RAD51B: variants seen among roughly 807,000 people sequenced by gnomAD.
The protein encoded by RAD51B is RAD51 paralog B.
A neutral mutation model predicts 42.2 loss-of-function variants in RAD51B; 38 were observed. The observed-to-expected ratio is 0.90, with a 90% confidence interval of 0.70 to 1.18. The LOEUF (loss-of-function observed/expected upper bound fraction) is 1.18. RAD51B is among the 50% of genes most tolerant of loss of function. The probability of loss-of-function intolerance (pLI) is 0.00; values close to 1 mark genes in which losing one functional copy is unlikely to be tolerated. For synonymous variants in RAD51B, 154 were observed against 145.2 expected, an observed-to-expected ratio of 1.06 and a Z score of -0.43; for missense variants, 373 against 400.7, an observed-to-expected ratio of 0.93 and a Z score of 0.59.
intron 7 of RAD51B, among the ~76,000 whole-genome samples, chr14:67,949,304 A>G (rs934410967): frequency 6.6e-6 from 1 of 152,164 alleles, no homozygotes. Context: ...TTATCAACTA[A>G]ATTTATGAAA....
At chr14:68,048,291 T>C (rs530880403) in intron 7 of RAD51B, among the ~76,000 whole-genome samples, 5 of 152,340 alleles carry the variant, frequency 3.3e-5, no homozygotes, top group Non-Finnish European at 7.3e-5. Flanking sequence ...TGGGGTTGTT[T>C]GTTTTTTCCT....
intron 3 of RAD51B, among the ~76,000 whole-genome samples, chr14:67,833,685 G>T (rs555359780): frequency 6.6e-6 from 1 of 152,280 alleles, no homozygotes; most frequent in African/African-American, 2.4e-5. Flanking sequence ...TAAAACTTAT[G>T]AATTATTTCT....
chr14:68,181,240 A>T (rs535129169), intron 7 of RAD51B, among the ~76,000 whole-genome samples: 1 of 152,330 alleles, frequency 6.6e-6, no homozygotes, highest in Non-Finnish European at 1.5e-5. Context: ...CTGGAAGGTA[A>T]TCCCCAGATT....
At chr14:68,333,391 C>G (rs961467862) in intron 8 of RAD51B, among the ~76,000 whole-genome samples, 1 of 152,118 alleles carries the variant, frequency 6.6e-6, no homozygotes, top group African/African-American at 2.4e-5. Context: ...AAAACAAAAA[C>G]CCTAAATGTT....
intron 10 of RAD51B, among the ~76,000 whole-genome samples, chr14:68,498,341 A>T (rs564163214): frequency 2.0e-5 from 3 of 152,340 alleles, no homozygotes; most frequent in South Asian, 2.1e-4. Flanking sequence ...TTCACCCATC[A>T]TCTTGCTGTG....
chr14:68,612,443 C>T (rs1182960755), downstream of RAD51B, among the ~76,000 whole-genome samples: 1 of 152,222 alleles, frequency 6.6e-6, no homozygotes, highest in African/African-American at 2.4e-5. Context: ...CCGGCTACCA[C>T]ATGAAACACC....
At chr14:68,457,773 A>AT (rs771439291) in intron 9 of RAD51B, among the ~76,000 whole-genome samples, 21,934 of 106,716 alleles carry the variant, frequency 0.21, 2,328 homozygotes, top group Non-Finnish European at 0.27. Flanking sequence ...TAATTTTTGT[A>AT]TTTTTTTTTT....
At chr14:68,014,411 C>T (rs1253193486) in intron 7 of RAD51B, among the ~76,000 whole-genome samples, 1 of 152,046 alleles carries the variant, frequency 6.6e-6, no homozygotes, top group Non-Finnish European at 1.5e-5. Context: ...GACTTTTACC[C>T]TGGTACATTT....
intron 10 of RAD51B, 70 bp from the exon 11 acceptor site, chr14:68,477,578 G>T (rs2140253977): frequency 6.6e-7 from 1 of 1,519,000 alleles, no homozygotes; most frequent in Non-Finnish European, 8.9e-7. Context: ...TAGGTTGCTG[G>T]TGGGAAGTTA....
At chr14:68,602,301 C>A (rs1891249785) in intron 10 of RAD51B, among the ~76,000 whole-genome samples, 1 of 152,028 alleles carries the variant, frequency 6.6e-6, no homozygotes, top group Admixed American at 6.6e-5. Context: ...TTCACACAAA[C>A]ATAGACATAT....
chr14:67,822,335 A>G (rs2040659036), intron 1 of RAD51B: 1 of 152,150 alleles, frequency 6.6e-6, no homozygotes, highest in African/African-American at 2.4e-5. Flanking sequence ...AGCAAGGTAC[A>G]ATAGTGAAAT....
chr14:68,504,409 G>A (rs991022082), intron 10 of RAD51B, among the ~76,000 whole-genome samples: 3 of 152,230 alleles, frequency 2.0e-5, no homozygotes, highest in Non-Finnish European at 4.4e-5. Flanking sequence ...TTCCATTTGT[G>A]TACATCAATG....
intron 7 of RAD51B, among the ~76,000 whole-genome samples, chr14:67,948,588 G>A (rs2074378916): frequency 6.6e-6 from 1 of 151,954 alleles, no homozygotes; most frequent in African/African-American, 2.4e-5. Context: ...TAAAAGTTAT[G>A]TTTATACTAC....
At chr14:68,402,088 C>A (rs2084122421) in intron 8 of RAD51B, among the ~76,000 whole-genome samples, 1 of 152,170 alleles carries the variant, frequency 6.6e-6, no homozygotes, top group South Asian at 2.1e-4. Context: ...AGTTAGTGAA[C>A]CACAAGCCCT....
intron 7 of RAD51B, among the ~76,000 whole-genome samples, chr14:68,099,866 T>A (rs1339842523): frequency 6.6e-6 from 1 of 152,184 alleles, no homozygotes; most frequent in East Asian, 1.9e-4. Context: ...TTTTGGTTTC[T>A]GCATTTAGAA....
chr14:67,848,917 C>G (rs1176719811), intron 4 of RAD51B, among the ~76,000 whole-genome samples: 2 of 152,216 alleles, frequency 1.3e-5, no homozygotes, highest in Non-Finnish European at 2.9e-5. Flanking sequence ...GGTCCCCACT[C>G]TCTTCTGGCT....
At chr14:68,524,570 T>A (rs116681569) in intron 10 of RAD51B, among the ~76,000 whole-genome samples, 5,167 of 152,176 alleles carry the variant, frequency 0.034, 251 homozygotes, top group African/African-American at 0.11. Flanking sequence ...CCGAGATGCA[T>A]GATGAAGGAA....
chr14:68,185,663 G>A (rs368855771), intron 7 of RAD51B, among the ~76,000 whole-genome samples: 8 of 151,926 alleles, frequency 5.3e-5, no homozygotes, highest in Non-Finnish European at 8.8e-5. Flanking sequence ...CAATTTTTCC[G>A]TGGATGGGGG....
chr14:68,339,486 G>GGCCAAGGAAGTGGTGAATC, intron 8 of RAD51B: 1 of 456,142 alleles, frequency 2.2e-6, no homozygotes, highest in South Asian at 4.2e-5. Context: ...GACAGCAGGA[G>GGCCAAGGAAGTGGTGAATC]CTGGAGCCAT....
Sources: gnomAD v4.1 joint callset for allele counts (sites outside exome capture counted in the v4.1 genomes callset) on GRCh38, gnomAD v4.1.1 for gene constraint, MANE v1.5 for transcripts, NCBI Gene and HGNC (gene_info 2026-07-23, HGNC 2026-07-21) for gene names.